Variants in TMEM272 observed in about 807,000 individuals in gnomAD.
The protein encoded by TMEM272 is long intergenic non-protein coding RNA 282.
TMEM272 carries 8 observed loss-of-function variants against 3.7 expected under a neutral mutation model. The observed-to-expected ratio is 2.17, with a 90% confidence interval of 1.27 to 3.91. TMEM272 has a LOEUF of 3.91. Ranked by LOEUF, TMEM272 falls within the 30% of genes most tolerant of loss-of-function variation. The pLI, the probability that TMEM272 is intolerant of heterozygous loss-of-function variation, is 0.00. For missense variants in TMEM272, 166 were observed against 91.5 expected (o/e 1.81, Z -3.32); for synonymous variants, 63 against 39.8 (o/e 1.58, Z -2.20).
chr13:51,877,778 C>A, the TMEM272 span, among the ~76,000 whole-genome samples: 6 of 152,098 alleles, frequency 3.9e-5, no homozygotes, highest in East Asian at 7.7e-4. Flanking sequence ...ACTTAAGTAC[C>A]GATGTATGAT....
chr13:51,909,565 T>G, the TMEM272 span: 27 of 1,120,406 alleles, frequency 2.4e-5, no homozygotes, highest in Non-Finnish European at 3.4e-5. Flanking sequence ...ATTTTTAATA[T>G]GCTCTCTAAG....
the TMEM272 span, among the ~76,000 whole-genome samples, chr13:51,852,222 A>G: frequency 8.5e-5 from 13 of 152,236 alleles, no homozygotes; most frequent in Non-Finnish European, 1.6e-4. Flanking sequence ...TTCTTAATCA[A>G]TTGCATTTCT....
At chr13:51,835,293 C>T (rs620318) in intron 2 of TMEM272, among the ~76,000 whole-genome samples, 16,755 of 150,504 alleles carry the variant, frequency 0.11, 1,017 homozygotes, top group Middle Eastern at 0.19. Context: ...GGTGCAATCT[C>T]GGCTCACTGC....
At chr13:51,857,422 T>C in the TMEM272 span, among the ~76,000 whole-genome samples, 1 of 152,070 alleles carries the variant, frequency 6.6e-6, no homozygotes, top group Non-Finnish European at 1.5e-5. Context: ...TAATTACAAA[T>C]GTATGTTGAC....
chr13:51,838,646 G>A (rs1237860989), intron 1 of TMEM272, 93 bp from the exon 2 acceptor site: 2 of 694,990 alleles, frequency 2.9e-6, no homozygotes, highest in Non-Finnish European at 5.3e-6. Flanking sequence ...GTGGTGGCCT[G>A]CAGGGTGGTC....
chr13:51,816,689 C>T lies in TMEM272; in HGVS notation c.*62G>A, dbSNP rs1271370478. On this transcript the variant is annotated 3_prime_UTR_variant, in exon 5 of 5. Coordinates refer to ENST00000629372, the MANE Select transcript of TMEM272 (RefSeq NM_001351003.2). ...TGTGTGTGTGTGTGCGTCTGTGTGT[C>T]TGTGTGCACGCGCGTGCATGCACAC... 1.6e-6 allele frequency: 1 copy of T among 639,954 alleles called. No individual in the cohort carries two copies. The highest frequency in any genetic ancestry group is 1.8e-5 in the African/African-American group (1 of 55,366). The allele number at this position is 639,954 out of a possible 1,614,324, so 39.6% of individuals were successfully genotyped here.
chr13:51,895,316 T>C, the TMEM272 span, among the ~76,000 whole-genome samples: 1 of 152,174 alleles, frequency 6.6e-6, no homozygotes. Flanking sequence ...TCTGATAGCA[T>C]TGTCCTCTTC....
At chr13:51,910,498 C>T in the TMEM272 span, 6 of 751,242 alleles carry the variant, frequency 8.0e-6, no homozygotes, top group Non-Finnish European at 1.2e-5. Context: ...ATCACCAATT[C>T]CCATGGAAAA....
the TMEM272 span, among the ~76,000 whole-genome samples, chr13:51,873,978 CA>C: frequency 6.6e-6 from 1 of 152,256 alleles, no homozygotes; most frequent in African/African-American, 2.4e-5. Flanking sequence ...GCCTCCCTTA[CA>C]GCCAGAACTC....
At chr13:51,876,893 G>C in the TMEM272 span, among the ~76,000 whole-genome samples, 1 of 152,168 alleles carries the variant, frequency 6.6e-6, no homozygotes, top group Non-Finnish European at 1.5e-5. Flanking sequence ...GCAGGATGGT[G>C]AGAGGTGGAT....
intron 4 of TMEM272, among the ~76,000 whole-genome samples, chr13:51,819,853 G>T (rs190072840): frequency 6.6e-6 from 1 of 152,166 alleles, no homozygotes; most frequent in African/African-American, 2.4e-5. Flanking sequence ...CACTGAATCC[G>T]TCTTTTGGAA....
At chr13:51,841,692 A>C (rs1201682818) in intron 1 of TMEM272, among the ~76,000 whole-genome samples, 2 of 152,242 alleles carry the variant, frequency 1.3e-5, no homozygotes, top group Non-Finnish European at 2.9e-5. Flanking sequence ...AAACAGTGAT[A>C]TCTTTATTGA....
At chr13:51,856,200 T>C in the TMEM272 span, among the ~76,000 whole-genome samples, 1 of 152,096 alleles carries the variant, frequency 6.6e-6, no homozygotes, top group Non-Finnish European at 1.5e-5. Context: ...TTATAAATCA[T>C]GGATTCAGGC....
the TMEM272 span, among the ~76,000 whole-genome samples, chr13:51,898,218 A>AAAATAAATAAAT: frequency 6.1e-5 from 9 of 147,466 alleles, no homozygotes; most frequent in Non-Finnish European, 1.0e-4. Flanking sequence ...CTCCATCTCA[A>AAAATAAATAAAT]AAATAAATAA....
At chr13:51,844,520 A>G (rs1027664640) in intron 1 of TMEM272, among the ~76,000 whole-genome samples, 4 of 152,180 alleles carry the variant, frequency 2.6e-5, no homozygotes, top group African/African-American at 7.2e-5. Context: ...CGAATGCATG[A>G]ATTCAGTGGA....
At chr13:51,896,756 G>T in the TMEM272 span, among the ~76,000 whole-genome samples, 1 of 152,180 alleles carries the variant, frequency 6.6e-6, no homozygotes, top group African/African-American at 2.4e-5. Flanking sequence ...AGTTTGGTCG[G>T]CTTGGGGGTC....
chr13:51,872,206 A>G, the TMEM272 span, among the ~76,000 whole-genome samples: 1 of 152,246 alleles, frequency 6.6e-6, no homozygotes, highest in Non-Finnish European at 1.5e-5. Flanking sequence ...ATTAATATCC[A>G]TAGAGAGATA....
chr13:51,830,797 C>A (rs1264596106), intron 2 of TMEM272, among the ~76,000 whole-genome samples: 1 of 152,158 alleles, frequency 6.6e-6, no homozygotes, highest in African/African-American at 2.4e-5. Context: ...TGGATGCGGC[C>A]TTACTCCCTG....
rs1956234581 is a variant in TMEM272, at chr13:51,838,500, G to T, written c.31C>A (p.Gln11Lys). The T allele has an allele frequency of 1.4e-6, 1 of 702,924 alleles. No individual in the cohort carries two copies. The highest frequency in any genetic ancestry group is 1.7e-5 in the African/African-American group (1 of 57,258). The allele number at this position is 702,924 out of a possible 1,614,324, so 43.5% of individuals were successfully genotyped here. MPGGLEKTCH[Q>K]CISKIASNAC... is the part of the protein sequence containing the mutation. ...TTGCTGGCGATTTTAGAAATGCACT[G>T]ATGACACGTTTTCTCCAGACCTCCT... The change falls in exon 2 of 5, where the codon CAG becomes AAG. Residue 11 changes from glutamine to lysine, a missense_variant. By Grantham distance (53) the Gln-to-Lys change is moderately conservative (BLOSUM62 1). Transcript: ENST00000629372.
Sources: allele counts gnomAD v4.1 joint callset (sites outside exome capture counted in the v4.1 genomes callset), GRCh38; gene constraint gnomAD v4.1.1; transcripts MANE v1.5; gene names NCBI Gene and HGNC (gene_info 2026-07-23, HGNC 2026-07-21).